The following TMEM131L variants were observed in gnomAD, a reference collection of about 807,000 sequenced individuals.
TMEM131L encodes transmembrane 131 like.
TMEM131L carries 54 observed loss-of-function variants against 192.2 expected under a neutral mutation model. That is an observed-to-expected ratio of 0.28 (90% CI 0.23 to 0.35). TMEM131L has a LOEUF of 0.35. Among genes scored for constraint, TMEM131L ranks in the 10% least tolerant of loss-of-function variants. The pLI is 1.00. For missense variants in TMEM131L, 1,888 were observed against 1,972.9 expected, an observed-to-expected ratio of 0.96 and a Z score of 0.82; for synonymous variants, 701 against 704.9, an observed-to-expected ratio of 0.99 and a Z score of 0.09.
intron 28 of TMEM131L, among the ~76,000 whole-genome samples, chr4:153,622,249 C>T (rs1733477610): frequency 6.6e-6 from 1 of 152,144 alleles, no homozygotes; most frequent in Non-Finnish European, 1.5e-5. Context: ...GGCAGTGTCC[C>T]TGGGAGTGGT....
intron 7 of TMEM131L, among the ~76,000 whole-genome samples, chr4:153,566,424 T>C (rs10025936): frequency 0.084 from 12,759 of 152,176 alleles, 1,573 homozygotes; most frequent in African/African-American, 0.27. Context: ...CATGAGCCAC[T>C]GTGTCCGGCT....
chr4:153,545,987 G>A (rs1737144128), intron 3 of TMEM131L, among the ~76,000 whole-genome samples: 1 of 152,006 alleles, frequency 6.6e-6, no homozygotes, highest in Non-Finnish European at 1.5e-5. Flanking sequence ...GGGCTCAAGG[G>A]ATCTTCCACC....
chr4:153,493,085 G>T (rs1386505565), intron 3 of TMEM131L, among the ~76,000 whole-genome samples: 2 of 151,704 alleles, frequency 1.3e-5, no homozygotes, highest in African/African-American at 2.4e-5. Context: ...GGTGGCTCAC[G>T]CCTGTAATCC....
At chr4:153,550,668 G>C (rs902180074) in intron 4 of TMEM131L, among the ~76,000 whole-genome samples, 1 of 121,378 alleles carries the variant, frequency 8.2e-6, no homozygotes, top group African/African-American at 5.0e-5. Flanking sequence ...ATTTTGTAGT[G>C]ATTGAAATTT....
intron 2 of TMEM131L, among the ~76,000 whole-genome samples, chr4:153,467,524 C>G (rs547526045): frequency 6.6e-5 from 10 of 152,374 alleles, no homozygotes; most frequent in African/African-American, 2.4e-4. Context: ...CCCAGGCCAC[C>G]TCAGCAGGGA....
chr4:153,631,956 C>T (rs1734240190), intron 31 of TMEM131L, among the ~76,000 whole-genome samples: 2 of 152,214 alleles, frequency 1.3e-5, no homozygotes, highest in Admixed American at 1.3e-4. Context: ...GACTCACTTC[C>T]TCACGTCAAT....
chr4:153,625,340 G>A (rs1733759060), intron 29 of TMEM131L, among the ~76,000 whole-genome samples: 1 of 152,010 alleles, frequency 6.6e-6, no homozygotes, highest in Admixed American at 6.5e-5. Context: ...GCAGTGAGCC[G>A]AGATCGCCAC....
At chr4:153,526,694 G>A (rs1286778548) in intron 3 of TMEM131L, among the ~76,000 whole-genome samples, 5 of 151,392 alleles carry the variant, frequency 3.3e-5, no homozygotes, top group African/African-American at 9.7e-5. Flanking sequence ...GCGAGATCAC[G>A]CCACTGCACT....
intron 3 of TMEM131L, among the ~76,000 whole-genome samples, chr4:153,501,010 TG>T (rs1363478669): frequency 6.6e-6 from 1 of 151,966 alleles, no homozygotes; most frequent in African/African-American, 2.4e-5. Context: ...AGATAGAAAG[TG>T]GATAACTGAT....
At chr4:153,627,464 T>A (rs575225373) in intron 30 of TMEM131L, 141 bp from the exon 31 acceptor site, 18 of 614,488 alleles carry the variant, frequency 2.9e-5, no homozygotes, top group Non-Finnish European at 4.7e-5. Flanking sequence ...TTACATCCTT[T>A]ATATCTGTAT....
chr4:153,584,174 T>TGC (rs1178988806), intron 11 of TMEM131L, among the ~76,000 whole-genome samples: 1 of 152,212 alleles, frequency 6.6e-6, no homozygotes. Context: ...TGGACAGCGA[T>TGC]GCGAGCAGTG....
intron 3 of TMEM131L, among the ~76,000 whole-genome samples, chr4:153,482,319 A>G (rs925445351): frequency 7.3e-6 from 1 of 137,652 alleles, no homozygotes; most frequent in Admixed American, 6.9e-5. Context: ...AACAATGTAA[A>G]GTAATTTTTT....
At chr4:153,591,327 AGCAGTAAAACTCTAAACAGACTGAAAAT>A in intron 17 of TMEM131L, 133 bp downstream of exon 17, 1 of 760,880 alleles carries the variant, frequency 1.3e-6, no homozygotes, top group Non-Finnish European at 2.0e-6. Flanking sequence ...GAACTAGATG[AGCAGTAAAACTCTAAACAGACTGAAAAT>A]GCAGGAAACA....
chr4:153,632,681 A>G (rs41280471), intron 31 of TMEM131L, 37 bp from the exon 32 acceptor site: 176,188 of 1,611,400 alleles, frequency 0.11, 10,514 homozygotes, highest in East Asian at 0.17. Flanking sequence ...GGGCCAGGTG[A>G]GGATAGGGTG....
chr4:153,469,777 T>G (rs1304754850), intron 2 of TMEM131L, among the ~76,000 whole-genome samples: 1 of 152,008 alleles, frequency 6.6e-6, no homozygotes, highest in Non-Finnish European at 1.5e-5. Flanking sequence ...AAATGCAAAA[T>G]TAGCCGGGCG....
intron 3 of TMEM131L, among the ~76,000 whole-genome samples, chr4:153,540,227 G>A (rs371277152): frequency 8.6e-5 from 13 of 151,624 alleles, no homozygotes; most frequent in Middle Eastern, 3.2e-3. Context: ...ATTGTTCTTC[G>A]GTCCTACTGA....
intron 3 of TMEM131L, among the ~76,000 whole-genome samples, chr4:153,480,477 G>T (rs777023334): frequency 1.9e-4 from 25 of 133,476 alleles, no homozygotes; most frequent in African/African-American, 7.3e-4. Flanking sequence ...CTGAGATCGC[G>T]CAACTGCACT....
At chr4:153,623,780 G>A (rs909569050) in intron 29 of TMEM131L, among the ~76,000 whole-genome samples, 2 of 152,172 alleles carry the variant, frequency 1.3e-5, no homozygotes, top group African/African-American at 4.8e-5. Context: ...ATGCTGCTGT[G>A]AACATTGGCT....
Position 153,595,195 on chromosome 4 carries a change from T to C in TMEM131L, c.1996-1063T>C, listed in dbSNP as rs76221831. Among the ~76,000 whole-genome samples the C allele has an allele frequency of 6.0e-3, 916 of 152,328 alleles. 8 individuals are homozygous for C. Among genetic ancestry groups the C allele is most frequent in the African/African-American group, 0.02 (835 of 41,586 alleles). ...TCAGAATTGTTATTAGAATTCTTCATCATGTAAAGAAAGGCTTCCTGCATT... is the reference window on the plus strand; with the variant it reads ...TCAGAATTGTTATTAGAATTCTTCACCATGTAAAGAAAGGCTTCCTGCATT... On this transcript the variant is annotated intron_variant, in intron 19 of 34. Coordinates refer to ENST00000409959, the MANE Select transcript of TMEM131L (RefSeq NM_001131007.2).
Sources: allele counts gnomAD v4.1 joint callset (sites outside exome capture counted in the v4.1 genomes callset), GRCh38; gene constraint gnomAD v4.1.1; transcripts MANE v1.5; gene names NCBI Gene and HGNC (gene_info 2026-07-23, HGNC 2026-07-21).